PDZRN4: variants seen among roughly 807,000 people sequenced by gnomAD.
The protein encoded by PDZRN4 is PDZ domain containing ring finger 4.
Under a neutral mutation model 99.0 loss-of-function variants are expected in PDZRN4, and 70 were observed. That is an observed-to-expected ratio of 0.71 (90% CI 0.58 to 0.86). PDZRN4 has a LOEUF of 0.86. Ranked by LOEUF, PDZRN4 falls within the 40% of genes least tolerant of loss-of-function variation. The probability of loss-of-function intolerance (pLI) is 0.00; values close to 1 mark genes in which losing one functional copy is unlikely to be tolerated. For synonymous variants in PDZRN4, 551 were observed against 501.6 expected (o/e 1.10, Z -1.32); for missense variants, 1,474 against 1,331.2 (o/e 1.11, Z -1.67).
intron 3 of PDZRN4, among the ~76,000 whole-genome samples, chr12:41,430,366 G>A (rs1952577362): frequency 6.6e-6 from 1 of 152,012 alleles, no homozygotes; most frequent in African/African-American, 2.4e-5. Flanking sequence ...TTACTTGGGA[G>A]GCTTAGGCAG....
intron 3 of PDZRN4, among the ~76,000 whole-genome samples, chr12:41,335,996 A>T (rs1951770987): frequency 6.6e-6 from 1 of 152,122 alleles, no homozygotes. Flanking sequence ...CATATAAAAA[A>T]GTTTTCTTTT....
intron 3 of PDZRN4, chr12:41,473,622 G>A (rs902705987): frequency 6.6e-6 from 1 of 152,128 alleles, no homozygotes; most frequent in African/African-American, 2.4e-5. Context: ...ATTCAAGCTT[G>A]CACTCCTGTT....
chr12:41,459,622 T>A (rs1217404273), intron 3 of PDZRN4, among the ~76,000 whole-genome samples: 1 of 152,222 alleles, frequency 6.6e-6, no homozygotes, highest in Non-Finnish European at 1.5e-5. Context: ...ATGCAATGCT[T>A]TTAATAGCCT....
At chr12:41,343,214 A>T (rs1951829483) in intron 3 of PDZRN4, among the ~76,000 whole-genome samples, 1 of 151,712 alleles carries the variant, frequency 6.6e-6, no homozygotes, top group Non-Finnish European at 1.5e-5. Context: ...TTTCCTCTAG[A>T]TTTTCTGGTT....
chr12:41,233,630 C>A (rs1172437380), intron 3 of PDZRN4, among the ~76,000 whole-genome samples: 1 of 152,084 alleles, frequency 6.6e-6, no homozygotes, highest in Non-Finnish European at 1.5e-5. Flanking sequence ...GAGTTCATGT[C>A]CTTTGTAGGG....
At chr12:41,391,823 A>G (rs908522616) in intron 3 of PDZRN4, among the ~76,000 whole-genome samples, 1 of 152,164 alleles carries the variant, frequency 6.6e-6, no homozygotes, top group Admixed American at 6.6e-5. Flanking sequence ...GAAGAAGTGC[A>G]TGATTGGTGA....
intron 3 of PDZRN4, among the ~76,000 whole-genome samples, chr12:41,219,862 C>T (rs1179598310): frequency 6.6e-6 from 1 of 152,124 alleles, no homozygotes; most frequent in East Asian, 1.9e-4. Flanking sequence ...GTAGCTTCTG[C>T]TACTGATATA....
chr12:41,508,921 T>A (rs1938255807), intron 4 of PDZRN4, among the ~76,000 whole-genome samples: 1 of 152,256 alleles, frequency 6.6e-6, no homozygotes, highest in South Asian at 2.1e-4. Flanking sequence ...TGCAACCAAC[T>A]TGTCAATTGT....
intron 3 of PDZRN4, among the ~76,000 whole-genome samples, chr12:41,394,461 G>A (rs1446372841): frequency 2.6e-5 from 4 of 152,072 alleles, no homozygotes; most frequent in Admixed American, 6.6e-5. Context: ...TTCAATTATT[G>A]CATAACAAAT....
At chr12:41,368,006 G>T (rs1473454282) in intron 3 of PDZRN4, among the ~76,000 whole-genome samples, 1 of 151,916 alleles carries the variant, frequency 6.6e-6, no homozygotes, top group Non-Finnish European at 1.5e-5. Flanking sequence ...TCCTCTTTTT[G>T]CAATACTTAC....
chr12:41,379,748 G>A (rs1952109432), intron 3 of PDZRN4, among the ~76,000 whole-genome samples: 1 of 151,680 alleles, frequency 6.6e-6, no homozygotes, highest in Non-Finnish European at 1.5e-5. Context: ...CAATTATTAA[G>A]AGATGTTTTG....
chr12:41,434,852 T>C (rs1428566615), intron 3 of PDZRN4, among the ~76,000 whole-genome samples: 1 of 152,236 alleles, frequency 6.6e-6, no homozygotes, highest in African/African-American at 2.4e-5. Flanking sequence ...ACAGATAATA[T>C]CTGCTCTATT....
chr12:41,307,727 T>A (rs976652177), intron 3 of PDZRN4, among the ~76,000 whole-genome samples: 1 of 152,138 alleles, frequency 6.6e-6, no homozygotes, highest in Admixed American at 6.6e-5. Context: ...CTTGATTACA[T>A]GTGATATCCA....
intron 3 of PDZRN4, among the ~76,000 whole-genome samples, chr12:41,294,180 C>A (rs76930686): frequency 0.011 from 1,729 of 152,266 alleles, 53 homozygotes; most frequent in East Asian, 0.096. Flanking sequence ...CTTCTCTTTG[C>A]AGTGTAGTGT....
intron 3 of PDZRN4, among the ~76,000 whole-genome samples, chr12:41,392,046 G>A (rs1308714002): frequency 6.6e-6 from 1 of 152,092 alleles, no homozygotes; most frequent in Admixed American, 6.6e-5. Flanking sequence ...CTTGTTTTTT[G>A]TAGTTCTTAA....
At chr12:41,464,939 C>A (rs573965722) in intron 3 of PDZRN4, among the ~76,000 whole-genome samples, 44 of 151,688 alleles carry the variant, frequency 2.9e-4, no homozygotes, top group Non-Finnish European at 5.0e-4. Flanking sequence ...ATTCTCCTGC[C>A]TCAGCCTTCC....
At position 41,231,304 on chromosome 12, in the gene PDZRN4, TA is replaced by T. The variant is rs1396214681; in HGVS notation, c.843+37118del. Among the ~76,000 whole-genome samples the T allele has an allele frequency of 2.6e-5, 4 of 152,126 alleles. No homozygotes were observed. The South Asian group carries it at 6.2e-4, about 24-fold the overall frequency. On this transcript the variant is annotated intron_variant, in intron 3 of 9. Transcript: ENST00000402685. ...TTATTAGAGAAAAATATATGTATGT[TA>T]ACATGCCTTTGTGCCATCAGCATTA...
At chr12:41,289,929 T>C (rs1951446640) in intron 3 of PDZRN4, among the ~76,000 whole-genome samples, 1 of 152,214 alleles carries the variant, frequency 6.6e-6, no homozygotes, top group African/African-American at 2.4e-5. Context: ...GAATTCTGAC[T>C]GCATAGTGGA....
At chr12:41,218,937 T>C (rs1275600677) in intron 3 of PDZRN4, among the ~76,000 whole-genome samples, 1 of 152,116 alleles carries the variant, frequency 6.6e-6, no homozygotes, top group Non-Finnish European at 1.5e-5. Context: ...TCCTAGAATA[T>C]TCCTAGATGT....
Sources: allele counts gnomAD v4.1 joint callset (sites outside exome capture counted in the v4.1 genomes callset), GRCh38; gene constraint gnomAD v4.1.1; transcripts MANE v1.5; gene names NCBI Gene and HGNC (gene_info 2026-07-23, HGNC 2026-07-21).